Variants in LAMA2 observed in about 807,000 individuals in gnomAD.
The protein encoded by LAMA2 is laminin subunit alpha 2, also known as laminin subunit alpha-2.
In LAMA2, 269 loss-of-function variants were observed where a neutral mutation model predicts 364.8. That is an observed-to-expected ratio of 0.74 (90% CI 0.67 to 0.82). LAMA2 has a LOEUF of 0.82. Ranked by LOEUF, LAMA2 falls within the 40% of genes least tolerant of loss-of-function variation. The pLI, the probability that LAMA2 is intolerant of heterozygous loss-of-function variation, is 0.00. For missense variants in LAMA2, 3,807 were observed against 3,873.2 expected (o/e 0.98, Z 0.45); for synonymous variants, 1,379 against 1,370.6 (o/e 1.01, Z -0.14).
intron 2 of LAMA2, among the ~76,000 whole-genome samples, chr6:129,053,060 CT>C (rs1468621494): frequency 6.6e-6 from 1 of 152,058 alleles, no homozygotes. Flanking sequence ...TGGTTAATTT[CT>C]TTCTTTTTTG....
Position 129,503,152 on chromosome 6 carries a change from C to T in LAMA2, c.8419C>T (p.Arg2807Cys), listed in dbSNP as rs754671210. The change falls in exon 60 of 65, where the codon CGC (arginine) becomes TGC (cysteine). Residue 2807 changes from arginine to cysteine, a missense_variant. Physicochemically the swap from Arg to Cys is radical, Grantham distance 180. Coordinates refer to ENST00000421865, the MANE Select transcript of LAMA2 (RefSeq NM_000426.4). ...AESGLLFYMA[R>C]INHADFATVQ... Reference sequence around the variant, plus strand: ...ATCCGGCTTGCTTTTTTACATGGCTCGCATCAATCATGCTGATTTTGCAAC... The same window carrying T: ...ATCCGGCTTGCTTTTTTACATGGCTTGCATCAATCATGCTGATTTTGCAAC... 11 of 1,614,120 alleles carry T rather than the reference C, an allele frequency of 6.8e-6. No homozygotes were observed. Among genetic ancestry groups the T allele is most frequent in the East Asian group, 2.2e-5 (1 of 44,868 alleles).
intron 15 of LAMA2, 93 bp downstream of exon 15, chr6:129,260,915 CAAT>C (rs1371591247): frequency 1.3e-6 from 1 of 786,186 alleles, no homozygotes; most frequent in Non-Finnish European, 2.3e-6. Context: ...TTTTTTCTAT[CAAT>C]AATTACACAA....
At chr6:128,895,539 T>C (rs1182691054) in intron 1 of LAMA2, among the ~76,000 whole-genome samples, 1 of 149,274 alleles carries the variant, frequency 6.7e-6, no homozygotes, top group Admixed American at 6.7e-5. Context: ...TGCCAGGTAC[T>C]CTGGAGGCTG....
intron 38 of LAMA2, among the ~76,000 whole-genome samples, chr6:129,401,938 T>G (rs950715780): frequency 6.6e-6 from 1 of 152,190 alleles, no homozygotes; most frequent in Non-Finnish European, 1.5e-5. Context: ...CCAGGCACGG[T>G]GGCTCATGCC....
At chr6:129,355,087 T>G (rs9483010) in intron 32 of LAMA2, among the ~76,000 whole-genome samples, 1,803 of 149,444 alleles carry the variant, frequency 0.012, 37 homozygotes, top group African/African-American at 0.044. Context: ...TTTAAAAGAA[T>G]AGCAGTTTTT....
chr6:129,300,400 G>T (rs952752565), intron 21 of LAMA2, among the ~76,000 whole-genome samples: 1 of 152,032 alleles, frequency 6.6e-6, no homozygotes, highest in Non-Finnish European at 1.5e-5. Flanking sequence ...AAACAAAATA[G>T]TAAACTTTGT....
chr6:129,050,850 T>C (rs1787951102), intron 2 of LAMA2, among the ~76,000 whole-genome samples: 2 of 152,160 alleles, frequency 1.3e-5, no homozygotes, highest in Non-Finnish European at 2.9e-5. Context: ...AGAGGCACCA[T>C]GTAAAGCCCT....
In LAMA2 at chr6:128,961,336, T is replaced by TAG. The variant is rs1164264443; in HGVS notation, c.112+77980_112+77981insGA. On this transcript the variant is annotated intron_variant, in intron 1 of 64. Transcript: ENST00000421865. ...CTAATATGATATATATATATATATA[T>TAG]ATATATATATATATATATATATATA... is the stretch of plus-strand genomic sequence containing the variant. Among the ~76,000 whole-genome samples the TAG allele has an allele frequency of 4.3e-3, 194 of 44,622 alleles. 6 individuals are homozygous for TAG. Among genetic ancestry groups the TAG allele is most frequent in the Non-Finnish European group, 5.1e-3 (127 of 24,872 alleles). 29.3% of individuals were successfully genotyped at this position (44,622 alleles called of 152,430 possible).
chr6:129,106,027 T>A (rs1416815856), intron 4 of LAMA2, among the ~76,000 whole-genome samples: 1 of 152,168 alleles, frequency 6.6e-6, no homozygotes, highest in Middle Eastern at 3.2e-3. Flanking sequence ...CTTTCCTTCT[T>A]ACCACCACCT....
chr6:129,328,832 A>C (rs996829700), intron 29 of LAMA2, among the ~76,000 whole-genome samples: 4 of 152,224 alleles, frequency 2.6e-5, no homozygotes, highest in Non-Finnish European at 5.9e-5. Context: ...TGTGTTTATG[A>C]ATAAGATTTA....
intron 12 of LAMA2, among the ~76,000 whole-genome samples, chr6:129,234,303 A>T (rs1784852147): frequency 6.6e-6 from 1 of 152,240 alleles, no homozygotes; most frequent in African/African-American, 2.4e-5. Flanking sequence ...ATGTCTACAT[A>T]ATACCACACA....
chr6:129,323,983 G>A (rs1457689445), intron 28 of LAMA2, among the ~76,000 whole-genome samples: 4 of 152,006 alleles, frequency 2.6e-5, no homozygotes, highest in East Asian at 1.9e-4. Flanking sequence ...TATACCTATC[G>A]TCAACACATA....
At chr6:129,093,559 C>G (rs574501531) in intron 3 of LAMA2, among the ~76,000 whole-genome samples, 2 of 152,174 alleles carry the variant, frequency 1.3e-5, no homozygotes, top group South Asian at 2.1e-4. Context: ...GATCATTGTC[C>G]GTTGCTTATT....
chr6:129,245,467 A>C (rs1033201554), intron 12 of LAMA2, among the ~76,000 whole-genome samples: 24 of 152,176 alleles, frequency 1.6e-4, no homozygotes, highest in African/African-American at 5.8e-4. Flanking sequence ...TATTGTCCCC[A>C]AAATGAACTA....
At chr6:129,133,823 T>C (rs1222245902) in intron 4 of LAMA2, among the ~76,000 whole-genome samples, 1 of 152,128 alleles carries the variant, frequency 6.6e-6, no homozygotes, top group Non-Finnish European at 1.5e-5. Flanking sequence ...ATACAGCTTT[T>C]CATTTGTGTA....
chr6:129,224,662 C>G (rs564085050), intron 12 of LAMA2, among the ~76,000 whole-genome samples: 2 of 152,276 alleles, frequency 1.3e-5, no homozygotes, highest in Admixed American at 6.5e-5. Flanking sequence ...GTTGAACCAG[C>G]CTTGCATCCC....
chr6:129,283,244 C>A (rs1310588475), intron 18 of LAMA2, among the ~76,000 whole-genome samples: 1 of 151,980 alleles, frequency 6.6e-6, no homozygotes, highest in Non-Finnish European at 1.5e-5. Flanking sequence ...AACAAAGAGA[C>A]AGAATCTTGA....
intron 1 of LAMA2, among the ~76,000 whole-genome samples, chr6:128,911,345 C>T (rs980101840): frequency 2.0e-5 from 3 of 152,138 alleles, no homozygotes; most frequent in Middle Eastern, 3.2e-3. Flanking sequence ...CGTGGTTCGC[C>T]GTTTTTTAAG....
intron 8 of LAMA2, among the ~76,000 whole-genome samples, chr6:129,155,712 T>C (rs569603948): frequency 6.6e-6 from 1 of 152,244 alleles, no homozygotes; most frequent in South Asian, 2.1e-4. Flanking sequence ...ACCTCAGTTA[T>C]CTATTTTTCC....
Sources: allele counts gnomAD v4.1 joint callset (sites outside exome capture counted in the v4.1 genomes callset), GRCh38; gene constraint gnomAD v4.1.1; transcripts MANE v1.5; gene names NCBI Gene and HGNC (gene_info 2026-07-23, HGNC 2026-07-21).